Variants in SOX6 observed in about 807,000 individuals in gnomAD.
The protein encoded by SOX6 is transcription factor SOX-6.
In SOX6, 11 loss-of-function variants were observed where a neutral mutation model predicts 97.8. The ratio of observed to expected loss-of-function variants is 0.11; its 90% CI spans 0.07 to 0.19. The LOEUF (loss-of-function observed/expected upper bound fraction) is 0.19. Among genes scored for constraint, SOX6 ranks in the 10% least tolerant of loss-of-function variants. The pLI, the probability that SOX6 is intolerant of heterozygous loss-of-function variation, is 1.00. For missense variants in SOX6, 810 were observed against 1,039.5 expected (o/e 0.78, Z 3.04); for synonymous variants, 360 against 371.4 (o/e 0.97, Z 0.35).
intron 3 of SOX6, among the ~76,000 whole-genome samples, chr11:16,286,354 A>G (rs1565070434): frequency 6.6e-6 from 1 of 152,150 alleles, no homozygotes; most frequent in African/African-American, 2.4e-5. Context: ...CCTGGCAGCA[A>G]GAAATTCTTA....
intron 4 of SOX6, among the ~76,000 whole-genome samples, chr11:16,521,604 C>T (rs1281120170): frequency 2.0e-5 from 3 of 152,250 alleles, no homozygotes; most frequent in Non-Finnish European, 2.9e-5. Flanking sequence ...TGCAGTTCCT[C>T]ACCAGCAACG....
intron 3 of SOX6, among the ~76,000 whole-genome samples, chr11:16,280,841 C>A (rs1854538013): frequency 6.6e-6 from 1 of 152,046 alleles, no homozygotes; most frequent in Non-Finnish European, 1.5e-5. Flanking sequence ...TATATAAGGA[C>A]ACTGTAATAA....
intron 3 of SOX6, among the ~76,000 whole-genome samples, chr11:16,294,279 A>C (rs1489057384): frequency 6.6e-6 from 1 of 152,116 alleles, no homozygotes; most frequent in African/African-American, 2.4e-5. Context: ...GTAAATGTTT[A>C]TTACATTAAT....
chr11:16,642,003 G>A (rs1203953212), intron 3 of SOX6, among the ~76,000 whole-genome samples: 5 of 152,234 alleles, frequency 3.3e-5, no homozygotes, highest in Admixed American at 6.5e-5. Flanking sequence ...TCCTAGCCTC[G>A]ATGGTCTTTA....
At chr11:16,382,929 C>CA (rs145244158) in intron 1 of SOX6, among the ~76,000 whole-genome samples, 139 of 146,426 alleles carry the variant, frequency 9.5e-4, no homozygotes, top group Non-Finnish European at 1.1e-3. Context: ...ACAAAACAAA[C>CA]AAAAAAAAAA....
intron 4 of SOX6, among the ~76,000 whole-genome samples, chr11:16,573,872 A>G (rs1847959700): frequency 6.6e-6 from 1 of 152,140 alleles, no homozygotes; most frequent in Non-Finnish European, 1.5e-5. Flanking sequence ...TGTATTGTTC[A>G]CTTATCAAAT....
intron 1 of SOX6, among the ~76,000 whole-genome samples, chr11:16,474,783 CA>C (rs1207993183): frequency 6.6e-6 from 1 of 152,180 alleles, no homozygotes; most frequent in Non-Finnish European, 1.5e-5. Flanking sequence ...TAGCCTCTAA[CA>C]AAAGAGTCCA....
intron 4 of SOX6, among the ~76,000 whole-genome samples, chr11:16,585,533 T>C (rs1351084975): frequency 6.6e-6 from 1 of 152,134 alleles, no homozygotes; most frequent in East Asian, 1.9e-4. Flanking sequence ...TCGAGCACTG[T>C]ACAGGTTAGA....
At position 15,989,132 on chromosome 11, in the gene SOX6, C is replaced by A. The variant is rs775345746; in HGVS notation, c.1831G>T (p.Ala611Ser). Reference sequence around the variant, plus strand: ...GGCTCGCTGCTGGCACGGCCGCGGGCGTCCCTGTAGACTCGTGCTTCAGCC... The same window carrying A: ...GGCTCGCTGCTGGCACGGCCGCGGGAGTCCCTGTAGACTCGTGCTTCAGCC... ...TVAEARVYRD[A>S]RGRASSEPHI... is the part of the protein sequence containing the mutation. Residue 611 changes from alanine to serine, a missense_variant, in exon 14 of 16, where the codon GCC becomes TCC. Physicochemically the swap from Ala to Ser is moderately conservative, Grantham distance 99. This residue lies in a region of SOX6 where 51 missense variants were observed against 145.7 expected (regional missense o/e 0.35). Transcript: ENST00000683767. 2 of 1,614,144 alleles carry A rather than the reference C, an allele frequency of 1.2e-6. No homozygotes were observed. Among genetic ancestry groups the A allele is most frequent in the South Asian group, 2.2e-5 (2 of 91,080 alleles).
At chr11:16,191,369 G>A (rs1377096214) in intron 4 of SOX6, among the ~76,000 whole-genome samples, 1 of 152,098 alleles carries the variant, frequency 6.6e-6, no homozygotes, top group East Asian at 1.9e-4. Flanking sequence ...GCTGAGGCAG[G>A]AGCATTACTC....
At chr11:16,304,441 C>A (rs1855359898) in intron 3 of SOX6, among the ~76,000 whole-genome samples, 1 of 152,088 alleles carries the variant, frequency 6.6e-6, no homozygotes. Context: ...GAGAATGCAG[C>A]AACAAGGCAC....
At chr11:16,200,457 C>G (rs923294634) in intron 4 of SOX6, among the ~76,000 whole-genome samples, 8 of 152,302 alleles carry the variant, frequency 5.3e-5, no homozygotes, top group Middle Eastern at 3.4e-3. Flanking sequence ...TTCTTTTATA[C>G]TTAAGGTTTA....
chr11:16,109,824 T>A (rs1220299366), intron 7 of SOX6, among the ~76,000 whole-genome samples: 1 of 152,190 alleles, frequency 6.6e-6, no homozygotes, highest in Admixed American at 6.5e-5. Context: ...CACTTTTTTT[T>A]ACCAACCTTG....
Position 16,662,968 on chromosome 11 carries a change from C to T in SOX6, n.430-50708G>A, listed in dbSNP as rs545779240. On this transcript the variant is annotated intron_variant and non_coding_transcript_variant, in intron 3 of 5. Transcript: ENST00000524520. ...TGGCCCCCAAAGTTTTGGGATTATA[C>T]GTGTAAGCCACCATACCCATCCTAA... Among the ~76,000 whole-genome samples, 190 of 151,422 alleles carry T rather than the reference C, an allele frequency of 1.3e-3. 1 individual carries two copies. Among genetic ancestry groups the T allele is most frequent in the South Asian group, 4.8e-3 (23 of 4,814 alleles).
At chr11:16,568,766 A>T (rs1394649412) in intron 4 of SOX6, among the ~76,000 whole-genome samples, 1 of 152,136 alleles carries the variant, frequency 6.6e-6, no homozygotes, top group Non-Finnish European at 1.5e-5. Context: ...TTTATTCATT[A>T]CTCCATAAAA....
chr11:16,643,980 A>G (rs928481722), intron 3 of SOX6, among the ~76,000 whole-genome samples: 1 of 152,174 alleles, frequency 6.6e-6, no homozygotes, highest in African/African-American at 2.4e-5. Context: ...AAATGCAGAA[A>G]TCATCCATCT....
Position 15,968,652 on chromosome 11 carries a change from A to AC in SOX6, c.*4156_*4157insG, listed in dbSNP as rs2119727870. 6.6e-6 allele frequency: 1 copy of AC among 152,348 alleles called. No individual in the cohort carries two copies. The highest frequency in any genetic ancestry group is 2.4e-5 in the African/African-American group (1 of 41,576). 9.4% of individuals were successfully genotyped at this position (152,348 alleles called of 1,614,324 possible). ...GGAAAAGAAAGCAGCCTTTAATTTC[A>AC]GCCCTAGAGTGATCACGCCCTTTTC... On this transcript the variant is annotated 3_prime_UTR_variant, in exon 16 of 16. Coordinates refer to ENST00000683767, the MANE Select transcript of SOX6 (RefSeq NM_001367873.1).
intron 15 of SOX6, among the ~76,000 whole-genome samples, chr11:15,977,946 G>T (rs1402173004): frequency 6.6e-6 from 1 of 151,942 alleles, no homozygotes; most frequent in African/African-American, 2.4e-5. Context: ...CTGTCACGTT[G>T]ACTGGCCTCC....
intron 4 of SOX6, among the ~76,000 whole-genome samples, chr11:16,501,391 T>C (rs1342756258): frequency 1.3e-5 from 2 of 152,176 alleles, no homozygotes; most frequent in African/African-American, 2.4e-5. Context: ...ATTCAGGACA[T>C]AGGCATGGGC....
Sources: allele counts gnomAD v4.1 joint callset (sites outside exome capture counted in the v4.1 genomes callset), GRCh38; gene constraint gnomAD v4.1.1; regional missense constraint gnomAD v4.1.1; transcripts MANE v1.5; gene names NCBI Gene and HGNC (gene_info 2026-07-23, HGNC 2026-07-21).